The following KLHL13 variants were observed in gnomAD, a reference collection of about 807,000 sequenced individuals.
KLHL13 encodes the protein kelch like family member 13.
Under a neutral mutation model 37.1 loss-of-function variants are expected in KLHL13, and 10 were observed. That is an observed-to-expected ratio of 0.27 (90% CI 0.17 to 0.46). KLHL13 has a LOEUF of 0.46. Among genes scored for constraint, KLHL13 ranks in the 20% least tolerant of loss-of-function variants. The pLI, the probability that KLHL13 is intolerant of heterozygous loss-of-function variation, is 1.00. For missense variants in KLHL13, 360 were observed against 509.3 expected, an observed-to-expected ratio of 0.71 and a Z score of 2.82; for synonymous variants, 163 against 181.2, an observed-to-expected ratio of 0.90 and a Z score of 0.81.
intron 4 of KLHL13, among the ~76,000 whole-genome samples, chrX:117,917,264 A>G (rs1172125438): frequency 1.8e-5 from 2 of 111,693 alleles, no homozygotes; most frequent in Non-Finnish European, 3.8e-5. Flanking sequence ...AAGGTAGAAT[A>G]ATGCAAAGAA....
chrX:118,018,785 G>A (rs984670780), intron 1 of KLHL13, among the ~76,000 whole-genome samples: 1 of 111,096 alleles, frequency 9.0e-6, no homozygotes, highest in African/African-American at 3.3e-5. Flanking sequence ...TCTAAATGGC[G>A]ATTTCTGATA....
chrX:117,973,266 A>G, exon 1 of KLHL13: 3 of 970,288 alleles, frequency 3.1e-6, no homozygotes, highest in Non-Finnish European at 4.0e-6. Context: ...AGTAGCAAGA[A>G]AAAACATAGA....
At chrX:117,961,615 G>C (rs1405104303) in intron 1 of KLHL13, among the ~76,000 whole-genome samples, 3 of 111,538 alleles carry the variant, frequency 2.7e-5, no homozygotes, top group Non-Finnish European at 5.6e-5. Flanking sequence ...TGAAAAAATG[G>C]AAGAGGAAGG....
At chrX:117,905,692 G>A (rs986110956) in intron 5 of KLHL13, among the ~76,000 whole-genome samples, 5 of 110,925 alleles carry the variant, frequency 4.5e-5, no homozygotes, top group Non-Finnish European at 5.7e-5. Context: ...TACATAGTAC[G>A]TGTATATTTT....
intron 1 of KLHL13, among the ~76,000 whole-genome samples, chrX:118,086,325 T>C (rs186949743): frequency 1.8e-5 from 2 of 111,650 alleles, no homozygotes; most frequent in African/African-American, 6.5e-5. Flanking sequence ...TACTTTTAGT[T>C]CTTTGAGAAA....
In KLHL13 at chrX:118,069,668, T is replaced by C. The variant is rs12395068; in HGVS notation, c.-56+46840A>G. On this transcript the variant is annotated intron_variant, in intron 1 of 6. Coordinates refer to the KLHL13 transcript ENST00000371882. ...TTTTTGTATAGCTGTGCAATATGTT[T>C]TTGTTTCAAGCTAAGTGTTATTACA... is the stretch of plus-strand genomic sequence containing the variant. Among the ~76,000 whole-genome samples, 376 of 111,839 alleles carry C rather than the reference T, an allele frequency of 3.4e-3. 4 individuals are homozygous for C. The highest frequency in any genetic ancestry group is 0.012 in the African/African-American group (360 of 30,868).
At chrX:117,972,019 A>G (rs1478328421) in intron 1 of KLHL13, among the ~76,000 whole-genome samples, 1 of 112,071 alleles carries the variant, frequency 8.9e-6, no homozygotes, top group Admixed American at 9.5e-5. Context: ...CTGCAAATTT[A>G]AAAAGATTTT....
intron 2 of KLHL13, among the ~76,000 whole-genome samples, chrX:117,938,855 T>C (rs989115451): frequency 2.7e-5 from 3 of 111,345 alleles, no homozygotes; most frequent in African/African-American, 9.8e-5. Flanking sequence ...CACAGCTTTT[T>C]TTTGAGCACC....
intron 1 of KLHL13, among the ~76,000 whole-genome samples, chrX:118,066,046 T>G (rs945055082): frequency 5.4e-5 from 6 of 111,306 alleles, no homozygotes; most frequent in Non-Finnish European, 1.1e-4. Context: ...CAGAAAAGGG[T>G]AATGACAGGT....
chrX:117,903,177 A>AGT lies in KLHL13; in HGVS notation c.1367-1232_1367-1231insAC, dbSNP rs1408347784. On this transcript the variant is annotated intron_variant, in intron 5 of 6. Transcript: ENST00000262820. ...ACACACAGAGAGAGAGAGAGAGGAG[A>AGT]GCGAGAGAGAGAGAGAGAGAGAGAG... is the stretch of plus-strand genomic sequence containing the variant. Among the ~76,000 whole-genome samples, 207 of 97,197 alleles carry AGT rather than the reference A, an allele frequency of 2.1e-3. 2 individuals carry two copies. Among genetic ancestry groups the AGT allele is most frequent in the African/African-American group, 8.5e-3 (189 of 22,212 alleles). 84.4% of individuals were successfully genotyped at this position (97,197 alleles called of 115,157 possible).
intron 2 of KLHL13, among the ~76,000 whole-genome samples, chrX:117,942,020 T>C (rs1394574473): frequency 8.9e-6 from 1 of 112,136 alleles, no homozygotes; most frequent in Non-Finnish European, 1.9e-5. Flanking sequence ...CCAGAGATTC[T>C]GGTATGTTGT....
chrX:118,098,499 T>C (rs1438312491), intron 1 of KLHL13, among the ~76,000 whole-genome samples: 2 of 111,110 alleles, frequency 1.8e-5, no homozygotes, highest in Non-Finnish European at 1.9e-5. Context: ...AGTTCAACCA[T>C]GGTGGAAGAC....
intron 1 of KLHL13, among the ~76,000 whole-genome samples, chrX:117,972,251 T>G (rs1003135001): frequency 2.8e-4 from 31 of 111,744 alleles, no homozygotes; most frequent in Non-Finnish European, 5.1e-4. Context: ...CATACACAAC[T>G]AAAGTATAAA....
intron 1 of KLHL13, among the ~76,000 whole-genome samples, chrX:118,005,715 T>C (rs891044689): frequency 2.7e-5 from 3 of 111,492 alleles, no homozygotes; most frequent in Non-Finnish European, 5.7e-5. Context: ...GGAAACGGAT[T>C]TTCCCCTACA....
rs142153238 is a variant in KLHL13 at position 118,111,823 on chromosome X, C to T, written c.-56+4685G>A. On this transcript the variant is annotated intron_variant, in intron 1 of 6. Transcript: ENST00000371882. ...AGGAGAACCGCTTGAACCCAGGAGGCGGAGGTTGCAGTGAGCCGGGATCAT... is the reference window on the plus strand; with the variant it reads ...AGGAGAACCGCTTGAACCCAGGAGGTGGAGGTTGCAGTGAGCCGGGATCAT... Among the ~76,000 whole-genome samples, 346 of 111,739 alleles carry T rather than the reference C, an allele frequency of 3.1e-3. 4 individuals carry two copies. The highest frequency in any genetic ancestry group is 0.011 in the African/African-American group (325 of 30,741).
intron 1 of KLHL13, among the ~76,000 whole-genome samples, chrX:118,115,544 T>C (rs1289930700): frequency 8.9e-6 from 1 of 112,722 alleles, no homozygotes; most frequent in Non-Finnish European, 1.9e-5. Context: ...CAGCGTCTCT[T>C]AGTCTCCATT....
At chrX:118,046,911 G>A (rs1396455834) in intron 1 of KLHL13, among the ~76,000 whole-genome samples, 2 of 111,865 alleles carry the variant, frequency 1.8e-5, no homozygotes, top group Non-Finnish European at 3.8e-5. Flanking sequence ...ATTATAATAT[G>A]AGTGGTGACC....
chrX:117,997,352 T>G (rs1335925788), intron 1 of KLHL13, among the ~76,000 whole-genome samples: 1 of 111,556 alleles, frequency 9.0e-6, no homozygotes, highest in Non-Finnish European at 1.9e-5. Context: ...TTCAACCATC[T>G]TTTAAAATGT....
At chrX:118,028,537 T>G in intron 1 of KLHL13, 40 bp from the exon 2 acceptor site, 1 of 624,016 alleles carries the variant, frequency 1.6e-6, no homozygotes, top group South Asian at 2.9e-5. Context: ...ACTATGAAGA[T>G]TAACACTGGA....
Sources: allele counts gnomAD v4.1 joint callset (sites outside exome capture counted in the v4.1 genomes callset), GRCh38; gene constraint gnomAD v4.1.1; transcripts MANE v1.5; gene names NCBI Gene and HGNC (gene_info 2026-07-23, HGNC 2026-07-21).